Variants in ACTR3 observed in about 807,000 individuals in gnomAD.
The protein encoded by ACTR3 is actin related protein 3.
In ACTR3, 12 loss-of-function variants were observed where a neutral mutation model predicts 56.8. The observed-to-expected ratio is 0.21, with a 90% CI of 0.14 to 0.34. ACTR3 has a LOEUF of 0.34. ACTR3 is among the 10% of genes least tolerant of loss of function. The probability of loss-of-function intolerance (pLI) is 1.00; values close to 1 mark genes in which losing one functional copy is unlikely to be tolerated. For synonymous variants in ACTR3, 162 were observed against 167.4 expected, an observed-to-expected ratio of 0.97 and a Z score of 0.25; for missense variants, 282 against 512.5, an observed-to-expected ratio of 0.55 and a Z score of 4.34.
chr2:113,925,466 G>C (rs1460931472), intron 3 of ACTR3, among the ~76,000 whole-genome samples: 1 of 152,182 alleles, frequency 6.6e-6, no homozygotes, highest in African/African-American at 2.4e-5. Flanking sequence ...AAAGTGCTGG[G>C]ATTACAGGCA....
At position 113,958,599 on chromosome 2, in the gene ACTR3, ATGT is replaced by A. The variant is rs1205451435; in HGVS notation, c.*1146_*1148del. 1 of 128,734 alleles carries A rather than the reference ATGT, an allele frequency of 7.8e-6. No homozygotes were observed. Among genetic ancestry groups the A allele is most frequent in the East Asian group, 2.3e-4 (1 of 4,304 alleles). The allele number at this position is 128,734 out of a possible 1,614,324, so 8.0% of individuals were successfully genotyped here. On this transcript the variant is annotated 3_prime_UTR_variant, in exon 12 of 12. Coordinates refer to ENST00000263238, the MANE Select transcript of ACTR3 (RefSeq NM_005721.5). ...AATTAAAACTGAATTACCTTTTCTA[ATGT>A]TTTTTTTTTTTAAGTAATGTAATTC...
At chr2:113,911,443 G>A (rs1679305115) in intron 1 of ACTR3, among the ~76,000 whole-genome samples, 1 of 125,362 alleles carries the variant, frequency 8.0e-6, no homozygotes, top group Non-Finnish European at 1.6e-5. Context: ...TTTTTGAGAC[G>A]AAGTCTTGCT....
At chr2:113,896,435 G>A (rs1212256793) in intron 1 of ACTR3, among the ~76,000 whole-genome samples, 3 of 152,228 alleles carry the variant, frequency 2.0e-5, no homozygotes, top group East Asian at 1.9e-4. Context: ...CTTGGCAGTT[G>A]ATTCCAGTGG....
chr2:113,899,492 A>G (rs1679062739), intron 1 of ACTR3, among the ~76,000 whole-genome samples: 1 of 152,244 alleles, frequency 6.6e-6, no homozygotes, highest in South Asian at 2.1e-4. Flanking sequence ...TGAGGTTTAC[A>G]GTTTAGTTTC....
intron 3 of ACTR3, among the ~76,000 whole-genome samples, chr2:113,926,321 C>T (rs555038798): frequency 2.2e-4 from 34 of 152,292 alleles, no homozygotes; most frequent in African/African-American, 7.9e-4. Flanking sequence ...TTGTAGATCA[C>T]GCAGTGTCCA....
At chr2:113,914,166 GTA>G (rs1679359557) in intron 2 of ACTR3, among the ~76,000 whole-genome samples, 2 of 150,636 alleles carry the variant, frequency 1.3e-5, no homozygotes, top group Admixed American at 6.6e-5. Context: ...TGAAAGCAGT[GTA>G]TGTTTCAGAA....
intron 7 of ACTR3, 146 bp downstream of exon 7, chr2:113,940,248 T>G (rs1461185773): frequency 1.7e-6 from 1 of 598,128 alleles, no homozygotes; most frequent in Non-Finnish European, 2.5e-6. Context: ...TATTTACATT[T>G]TCTTTGTGTT....
rs1440664224 is a variant in ACTR3 at position 113,926,353 on chromosome 2, A to G, written c.226-992A>G. Among the ~76,000 whole-genome samples the G allele has an allele frequency of 2.0e-5, 3 of 152,210 alleles. No individual in the cohort carries two copies. In the East Asian group the frequency reaches 5.8e-4, roughly 29 times the overall value. On this transcript the variant is annotated intron_variant, in intron 3 of 11. Transcript: ENST00000263238. ...TCCAACTGATGTTGAGTAACACTAT[A>G]TTTCCCTGGAAAATTTAAAATAACT...
At chr2:113,956,510 T>A (rs1680216243) in intron 11 of ACTR3, among the ~76,000 whole-genome samples, 1 of 152,242 alleles carries the variant, frequency 6.6e-6, no homozygotes, top group South Asian at 2.1e-4. Context: ...GTTTGTTCTG[T>A]TTAAGTATTT....
intron 11 of ACTR3, among the ~76,000 whole-genome samples, chr2:113,956,957 C>T (rs1242851219): frequency 2.0e-5 from 3 of 152,064 alleles, no homozygotes; most frequent in Admixed American, 6.6e-5. Context: ...TAGAACTAGA[C>T]GAAAAATAGT....
At chr2:113,901,266 G>A (rs1679093993) in intron 1 of ACTR3, among the ~76,000 whole-genome samples, 2 of 152,258 alleles carry the variant, frequency 1.3e-5, no homozygotes, top group African/African-American at 2.4e-5. Flanking sequence ...GCTGAGTCAG[G>A]AGAATCGCTT....
At chr2:113,911,904 T>C (rs1473794597) in intron 1 of ACTR3, among the ~76,000 whole-genome samples, 1 of 150,980 alleles carries the variant, frequency 6.6e-6, no homozygotes, top group Non-Finnish European at 1.5e-5. Flanking sequence ...GCCTGGCTAA[T>C]TTTGTATTTT....
intron 3 of ACTR3, among the ~76,000 whole-genome samples, chr2:113,918,959 T>G (rs1679457299): frequency 6.6e-6 from 1 of 152,172 alleles, no homozygotes. Flanking sequence ...ACACAGACAT[T>G]TAACTTTTAT....
At chr2:113,951,417 T>C (rs1035719963) in intron 8 of ACTR3, 62 bp from the exon 9 acceptor site, 3 of 1,193,082 alleles carry the variant, frequency 2.5e-6, no homozygotes, top group African/African-American at 3.0e-5. Flanking sequence ...TTGTTTAACC[T>C]TTTATTGTGA....
chr2:113,892,917 T>G (rs1476421213), intron 1 of ACTR3, among the ~76,000 whole-genome samples: 1 of 152,128 alleles, frequency 6.6e-6, no homozygotes, highest in Non-Finnish European at 1.5e-5. Flanking sequence ...CCCAAAACTT[T>G]TAGGGATCGT....
chr2:113,921,003 C>T (rs1459552654), intron 3 of ACTR3, among the ~76,000 whole-genome samples: 4 of 152,142 alleles, frequency 2.6e-5, no homozygotes, highest in Admixed American at 6.5e-5. Flanking sequence ...ATGGCTGGAT[C>T]ATATGGTAGT....
At chr2:113,895,588 C>T (rs1386533843) in intron 1 of ACTR3, among the ~76,000 whole-genome samples, 6 of 152,210 alleles carry the variant, frequency 3.9e-5, no homozygotes, top group African/African-American at 1.4e-4. Flanking sequence ...CATTCAAGGG[C>T]TAACTTTGCA....
chr2:113,949,538 T>G (rs1289822319), intron 8 of ACTR3, among the ~76,000 whole-genome samples: 1 of 152,082 alleles, frequency 6.6e-6, no homozygotes, highest in African/African-American at 2.4e-5. Flanking sequence ...CAATACTTGT[T>G]TGTTTTTCAC....
At chr2:113,939,842 A>G in intron 6 of ACTR3, 117 bp from the exon 7 acceptor site, 1 of 845,224 alleles carries the variant, frequency 1.2e-6, no homozygotes. Flanking sequence ...ATAAAGCAGT[A>G]CTTGAGACTA....
Sources: gnomAD v4.1 joint callset for allele counts (sites outside exome capture counted in the v4.1 genomes callset) on GRCh38, gnomAD v4.1.1 for gene constraint, MANE v1.5 for transcripts, NCBI Gene and HGNC (gene_info 2026-07-23, HGNC 2026-07-21) for gene names.